ITGA9: variants seen among roughly 807,000 people sequenced by gnomAD.
ITGA9 encodes the protein integrin alpha-9.
In ITGA9, 56 loss-of-function variants were observed where a neutral mutation model predicts 127.8. That is an observed-to-expected ratio of 0.44 (90% CI 0.35 to 0.55). ITGA9 has a LOEUF of 0.55. Ranked by LOEUF, ITGA9 falls within the 20% of genes least tolerant of loss-of-function variation. ITGA9 has a pLI of 0.00. For missense variants in ITGA9, 1,196 were observed against 1,347.1 expected (o/e 0.89, Z 1.76); for synonymous variants, 508 against 514.5 (o/e 0.99, Z 0.17).
Position 37,698,136 on chromosome 3 carries a change from T to G in ITGA9, c.2067+14121T>G, listed in dbSNP as rs1700906248. Reference sequence around the variant, plus strand: ...CTTTTGGCTGCATAAATGTCTTCTTTTGAGAAGTGTCTGTTCATATCCTTT... The same window carrying G: ...CTTTTGGCTGCATAAATGTCTTCTTGTGAGAAGTGTCTGTTCATATCCTTT... On this transcript the variant is annotated intron_variant, in intron 18 of 27. Coordinates refer to ENST00000264741, the MANE Select transcript of ITGA9 (RefSeq NM_002207.3). 2.0e-5 allele frequency among the ~76,000 whole-genome samples: 3 copies of G among 152,266 alleles called. No individual in the cohort carries two copies. The South Asian group carries it at 6.2e-4, about 32-fold the overall frequency.
chr3:37,636,747 A>G (rs1410377894), intron 16 of ITGA9, among the ~76,000 whole-genome samples: 1 of 152,110 alleles, frequency 6.6e-6, no homozygotes, highest in African/African-American at 2.4e-5. Flanking sequence ...GTTTTCTTCT[A>G]GGGTTTTTAT....
chr3:37,615,967 A>G (rs1262319971), intron 15 of ITGA9, among the ~76,000 whole-genome samples: 9 of 151,884 alleles, frequency 5.9e-5, no homozygotes. Context: ...TGTTTCCTTC[A>G]GTTCTGCTCT....
chr3:37,534,215 T>C (rs1281435040), intron 14 of ITGA9, among the ~76,000 whole-genome samples: 1 of 151,506 alleles, frequency 6.6e-6, no homozygotes, highest in Non-Finnish European at 1.5e-5. Context: ...AAAAGGCTGA[T>C]TTAATAATAG....
rs78474075 is a variant in ITGA9 at position 37,605,067 on chromosome 3, G to A, written c.1690-24120G>A. Among the ~76,000 whole-genome samples the A allele has an allele frequency of 5.8e-3, 888 of 152,232 alleles. 8 individuals carry two copies. Among genetic ancestry groups the A allele is most frequent in the Admixed American group, 9.9e-3 (151 of 15,296 alleles). On this transcript the variant is annotated intron_variant, in intron 15 of 27. Coordinates refer to ENST00000264741, the MANE Select transcript of ITGA9 (RefSeq NM_002207.3). ...TAAATAATTAGGGGTTGATTGTTAC[G>A]AGTGCTATGAGGGGAATAGCCAGGG...
At chr3:37,801,818 T>G (rs1697238580) in intron 26 of ITGA9, among the ~76,000 whole-genome samples, 1 of 152,136 alleles carries the variant, frequency 6.6e-6, no homozygotes, top group Admixed American at 6.5e-5. Context: ...GCTCCTGTCT[T>G]GCGGATGAGA....
Position 37,814,171 on chromosome 3 carries a change from A to G in ITGA9, c.3010-4720A>G, listed in dbSNP as rs1307465220. Among the ~76,000 whole-genome samples, 1 of 152,162 alleles carries G rather than the reference A, an allele frequency of 6.6e-6. No homozygotes were observed. Among genetic ancestry groups the G allele is most frequent in the Admixed American group, 6.5e-5 (1 of 15,276 alleles). ...TAGAGCCTTGAATTCACTTTGGGGA[A>G]AACAGAAAAAGCTGTCATGATGTTT... On this transcript the variant is annotated intron_variant, in intron 27 of 27. Transcript: ENST00000264741. The surrounding 1 kb of genome is among the most constrained non-coding windows in gnomAD (Gnocchi z 4.3).
At chr3:37,734,917 T>G (rs1696340269) in intron 19 of ITGA9, among the ~76,000 whole-genome samples, 1 of 152,188 alleles carries the variant, frequency 6.6e-6, no homozygotes, top group Non-Finnish European at 1.5e-5. Context: ...TGACTAAACC[T>G]GGGGATTGGG....
At chr3:37,704,872 A>G (rs754887872) in intron 18 of ITGA9, among the ~76,000 whole-genome samples, 1 of 152,222 alleles carries the variant, frequency 6.6e-6, no homozygotes, top group Non-Finnish European at 1.5e-5. Flanking sequence ...TGTGATTTTC[A>G]TGGGATAAAA....
intron 26 of ITGA9, among the ~76,000 whole-genome samples, chr3:37,797,119 G>A (rs1697182879): frequency 6.6e-6 from 1 of 152,080 alleles, no homozygotes; most frequent in Non-Finnish European, 1.5e-5. Context: ...CTTCAGCCCA[G>A]AAGTTCAAGA....
At chr3:37,720,435 A>C (rs2125683319) in intron 18 of ITGA9, among the ~76,000 whole-genome samples, 4 of 152,354 alleles carry the variant, frequency 2.6e-5, no homozygotes, top group East Asian at 3.9e-4. Flanking sequence ...AGGCAAAGGA[A>C]AAGAGTGATA....
intron 26 of ITGA9, chr3:37,790,285 A>G: frequency 1.9e-6 from 1 of 539,946 alleles, no homozygotes; most frequent in South Asian, 1.4e-5. Context: ...TTTATGAGCA[A>G]TCTCTCCCTT....
intron 15 of ITGA9, among the ~76,000 whole-genome samples, chr3:37,576,546 G>A (rs909239440): frequency 1.3e-5 from 2 of 152,164 alleles, no homozygotes; most frequent in Admixed American, 1.3e-4. Flanking sequence ...GAGAGTGAGG[G>A]GGAAGACTCC....
intron 15 of ITGA9, among the ~76,000 whole-genome samples, chr3:37,627,322 C>T (rs1287415213): frequency 6.6e-6 from 1 of 152,168 alleles, no homozygotes; most frequent in Non-Finnish European, 1.5e-5. Flanking sequence ...CAGCCACAGG[C>T]ATGGCCATAT....
At chr3:37,488,165 C>A (rs887815581) in intron 4 of ITGA9, among the ~76,000 whole-genome samples, 3 of 152,148 alleles carry the variant, frequency 2.0e-5, no homozygotes, top group Admixed American at 2.0e-4. Context: ...AGGCTGGCCT[C>A]GAACGTCTAG....
intron 18 of ITGA9, among the ~76,000 whole-genome samples, chr3:37,719,606 C>A (rs1192579506): frequency 2.0e-5 from 3 of 152,136 alleles, no homozygotes; most frequent in Non-Finnish European, 4.4e-5. Context: ...CGAACTGTTT[C>A]TCTGGTTAGG....
rs781526377 is a variant in ITGA9 at position 37,803,898 on chromosome 3, G to A, written c.2965G>A (p.Val989Met). Residue 989 changes from valine (V) to methionine (M), a missense_variant, in exon 27 of 28, where the codon GTG (valine) becomes ATG (methionine). Physicochemically the swap from Val to Met is conservative, Grantham distance 21 (BLOSUM62 1). Transcript: ENST00000264741. ...GTGGATCATCGCCATCAGTTTGTTGGTGGGAATCCTCATCTTCCTGCTGCT... is the reference window on the plus strand; with the variant it reads ...GTGGATCATCGCCATCAGTTTGTTGATGGGAATCCTCATCTTCCTGCTGCT... ...VGWIIAISLL[V>M]GILIFLLLAV... 9 of 1,614,060 alleles carry A rather than the reference G, an allele frequency of 5.6e-6. No individual in the cohort carries two copies. The highest frequency in any genetic ancestry group is 1.7e-5 in the Admixed American group (1 of 60,008).
intron 17 of ITGA9, among the ~76,000 whole-genome samples, chr3:37,683,525 A>G (rs1260436279): frequency 1.3e-5 from 2 of 152,208 alleles, no homozygotes; most frequent in Non-Finnish European, 2.9e-5. Flanking sequence ...TGGCTGGCAC[A>G]TGGTAGGCAC....
intron 4 of ITGA9, among the ~76,000 whole-genome samples, chr3:37,483,491 A>G (rs1698577576): frequency 6.6e-6 from 1 of 152,154 alleles, no homozygotes; most frequent in Admixed American, 6.5e-5. Context: ...CCAGTGAGGC[A>G]GGGGGAAGTA....
chr3:37,699,898 A>G (rs1322736642), intron 18 of ITGA9, among the ~76,000 whole-genome samples: 1 of 152,366 alleles, frequency 6.6e-6, no homozygotes, highest in East Asian at 1.9e-4. Context: ...TCACCTGATT[A>G]GAAATATCCT....
Sources: gnomAD v4.1 joint callset for allele counts (sites outside exome capture counted in the v4.1 genomes callset) on GRCh38, gnomAD v4.1.1 for gene constraint, Gnocchi (gnomAD v3.1) non-coding constraint, MANE v1.5 for transcripts, NCBI Gene and HGNC (gene_info 2026-07-23, HGNC 2026-07-21) for gene names.